Variants in ACOT9 observed in about 807,000 individuals in gnomAD.
ACOT9 encodes the protein acyl-CoA thioesterase 9.
ACOT9 carries 34 observed loss-of-function variants against 39.7 expected under a neutral mutation model. The observed-to-expected ratio is 0.86, with a 90% CI of 0.65 to 1.14. The LOEUF (loss-of-function observed/expected upper bound fraction) is 1.14, where lower values mean the gene tolerates loss of function less well. Among genes scored for constraint, ACOT9 ranks in the 50% most tolerant of loss-of-function variants. ACOT9 has a pLI of 0.00. For synonymous variants in ACOT9, 110 were observed against 120.5 expected, an observed-to-expected ratio of 0.91 and a Z score of 0.57; for missense variants, 313 against 344.1, an observed-to-expected ratio of 0.91 and a Z score of 0.71.
intron 8 of ACOT9, among the ~76,000 whole-genome samples, chrX:23,720,085 G>T (rs779634747): frequency 0.013 from 1,431 of 112,454 alleles, 26 homozygotes; most frequent in African/African-American, 0.045. Flanking sequence ...TGCCCGCCTT[G>T]GCCTCCCAAA....
At chrX:23,734,256 C>T (rs758613369) in intron 3 of ACOT9, 85 bp downstream of exon 3, 21 of 808,676 alleles carry the variant, frequency 2.6e-5, no homozygotes, top group Non-Finnish European at 3.5e-5. Flanking sequence ...TTAGTTAATG[C>T]CACTGCCCAA....
intron 4 of ACOT9, among the ~76,000 whole-genome samples, chrX:23,732,258 A>T (rs1026022211): frequency 8.9e-6 from 1 of 112,881 alleles, no homozygotes; most frequent in African/African-American, 3.2e-5. Flanking sequence ...ACAAAATGGT[A>T]ACAGTTGAGG....
chrX:23,723,225 C>T (rs1929380670), intron 6 of ACOT9, among the ~76,000 whole-genome samples: 1 of 112,153 alleles, frequency 8.9e-6, no homozygotes, highest in Admixed American at 9.6e-5. Flanking sequence ...CTATACCACC[C>T]TGTGGTTATC....
chrX:23,742,264 G>A (rs1920982084), intron 1 of ACOT9, among the ~76,000 whole-genome samples: 1 of 102,773 alleles, frequency 9.7e-6, no homozygotes, highest in African/African-American at 3.7e-5. Flanking sequence ...GAGATATCCA[G>A]GACCCCCAAG....
chrX:23,723,205 C>G (rs1929379744), intron 6 of ACOT9, among the ~76,000 whole-genome samples: 1 of 112,242 alleles, frequency 8.9e-6, no homozygotes, highest in Non-Finnish European at 1.9e-5. Flanking sequence ...CCCCATAACA[C>G]CCTTGACTCC....
At chrX:23,704,037 C>G (rs1245653488) in intron 15 of ACOT9, 55 bp from the exon 16 acceptor site, 1 of 976,768 alleles carries the variant, frequency 1.0e-6, no homozygotes, top group Non-Finnish European at 1.5e-6. Flanking sequence ...AGAAAACCAT[C>G]ATATCATCAT....
intron 11 of ACOT9, 135 bp from the exon 12 acceptor site, chrX:23,705,993 G>C: frequency 1.9e-6 from 1 of 520,719 alleles, no homozygotes; most frequent in South Asian, 3.0e-5. Flanking sequence ...GGCCAGGCGC[G>C]GTGGCTCACG....
At chrX:23,741,731 G>A (rs762599026) in intron 1 of ACOT9, among the ~76,000 whole-genome samples, 4 of 111,721 alleles carry the variant, frequency 3.6e-5, no homozygotes, top group African/African-American at 1.3e-4. Context: ...CTGGAGTGCA[G>A]GGGCGCGATC....
rs761773974 is a variant in ACOT9 at position 23,730,795 on chromosome X, A to G, written c.362+21T>C. The G allele has an allele frequency of 3.4e-6, 4 of 1,166,410 alleles. No individual in the cohort carries two copies. In the African/African-American group the frequency reaches 7.2e-5, roughly 21 times the overall value. On this transcript the variant is annotated intron_variant, in intron 5 of 15. Coordinates refer to ENST00000379303, the MANE Select transcript of ACOT9 (RefSeq NM_001037171.2). ...AAAACAAGGAAATAAAAACAAATACATAAAAATAGCACTGTGTTACCTTAC... is the reference window on the plus strand; with the variant it reads ...AAAACAAGGAAATAAAAACAAATACGTAAAAATAGCACTGTGTTACCTTAC...
intron 4 of ACOT9, among the ~76,000 whole-genome samples, chrX:23,731,576 T>A (rs900028510): frequency 3.6e-5 from 4 of 110,364 alleles, no homozygotes; most frequent in South Asian, 3.7e-4. Flanking sequence ...CCAGAATATT[T>A]GAAATTAAAT....
intron 6 of ACOT9, among the ~76,000 whole-genome samples, chrX:23,729,660 C>T (rs1376947631): frequency 1.8e-5 from 2 of 112,082 alleles, no homozygotes; most frequent in African/African-American, 6.5e-5. Context: ...GAGACGGAGT[C>T]TCACTCTGTC....
At position 23,706,667 on chromosome X, in the gene ACOT9, G is replaced by A. The variant is rs1375028862; in HGVS notation, c.803C>T (p.Thr268Ile). The A allele has an allele frequency of 8.3e-7, 1 of 1,207,082 alleles. No homozygotes were observed. Among genetic ancestry groups the A allele is most frequent in the South Asian group, 1.8e-5 (1 of 56,639 alleles). The stretch of plus-strand genomic sequence containing the variant: ...GCTGAGAAACATCTCATGTATGGTG[G>A]TCCTCTCCTCAGCGCTGGGGGCCAT... Reference protein sequence around the residue: ...LKMAPSAEERTTIHEMFLSTL... With the variant: ...LKMAPSAEERITIHEMFLSTL... The change falls in exon 11 of 16, where the codon ACC becomes ATC. Residue 268 changes from threonine to isoleucine, a missense_variant. Physicochemically the swap from Thr to Ile is moderately conservative, Grantham distance 89. Transcript: ENST00000379303.
intron 9 of ACOT9, among the ~76,000 whole-genome samples, chrX:23,709,151 G>A (rs897039727): frequency 4.5e-5 from 5 of 111,641 alleles, no homozygotes; most frequent in East Asian, 5.6e-4. Flanking sequence ...CCAGCACTTC[G>A]GGAGGCCAAG....
intron 9 of ACOT9, among the ~76,000 whole-genome samples, chrX:23,709,754 A>G (rs1221904668): frequency 9.0e-6 from 1 of 111,604 alleles, no homozygotes; most frequent in African/African-American, 3.3e-5. Context: ...CCCCAGCTCT[A>G]CCCCCACAAT....
intron 6 of ACOT9, among the ~76,000 whole-genome samples, chrX:23,723,148 G>A (rs1601813797): frequency 1.8e-5 from 2 of 111,396 alleles, no homozygotes; most frequent in East Asian, 5.6e-4. Context: ...TCCTGGCTTT[G>A]TCCTAATTAA....
At position 23,743,023 on chromosome X, in the gene ACOT9, C is replaced by G. The variant is rs1046468581; in HGVS notation, c.20+102G>C. The G allele has an allele frequency of 3.0e-6, 3 of 989,678 alleles. No individual in the cohort carries two copies. In the African/African-American group the frequency reaches 5.9e-5, roughly 19 times the overall value. 81.6% of individuals were successfully genotyped at this position (989,678 alleles called of 1,213,427 possible). A position where few individuals can be genotyped will look rare whatever the true frequency, so the allele number is the denominator to read the frequency against. On this transcript the variant is annotated intron_variant, in intron 1 of 15. Coordinates refer to ENST00000379303, the MANE Select transcript of ACOT9 (RefSeq NM_001037171.2). ...TTATCATAGAGCCCAAATGCCCATG[C>G]GTGGCCCACTTCTTCCGCCGGGGCC...
chrX:23,714,765 T>C (rs941952599), intron 8 of ACOT9, among the ~76,000 whole-genome samples: 1 of 110,432 alleles, frequency 9.1e-6, no homozygotes, highest in African/African-American at 3.3e-5. Context: ...GCTGACACCA[T>C]AGGCATGCAC....
chrX:23,730,722 T>C lies in ACOT9; in HGVS notation c.362+94A>G. The C allele has an allele frequency of 4.0e-6, 4 of 1,009,252 alleles. No individual in the cohort carries two copies. The East Asian group carries it at 9.3e-5, about 23-fold the overall frequency. The allele number at this position is 1,009,252 out of a possible 1,213,427, so 83.2% of individuals were successfully genotyped here. A position where few individuals can be genotyped will look rare whatever the true frequency, so the allele number is the denominator to read the frequency against. On this transcript the variant is annotated intron_variant, in intron 5 of 15. Coordinates refer to ENST00000379303, the MANE Select transcript of ACOT9 (RefSeq NM_001037171.2). ...ATCAAAACCATGGAACTGTACACTT[T>C]AAACAGGCGAATTGTATGGTGTGTG...
chrX:23,724,250 A>T (rs1929425158), intron 6 of ACOT9, among the ~76,000 whole-genome samples: 1 of 111,749 alleles, frequency 8.9e-6, no homozygotes, highest in Non-Finnish European at 1.9e-5. Context: ...CAACAGAGTA[A>T]GACTCTGTCT....
Sources: allele counts gnomAD v4.1 joint callset (sites outside exome capture counted in the v4.1 genomes callset), GRCh38; gene constraint gnomAD v4.1.1; transcripts MANE v1.5; gene names NCBI Gene and HGNC (gene_info 2026-07-23, HGNC 2026-07-21).